AGBL4: variants seen among roughly 807,000 people sequenced by gnomAD.
The protein encoded by AGBL4 is AGBL carboxypeptidase 4.
Under a neutral mutation model 66.4 loss-of-function variants are expected in AGBL4, and 58 were observed. The ratio of observed to expected loss-of-function variants is 0.87; its 90% confidence interval spans 0.71 to 1.09. The LOEUF (loss-of-function observed/expected upper bound fraction) is 1.09, where lower values mean the gene tolerates loss of function less well. Ranked by LOEUF, AGBL4 falls within the 50% of genes least tolerant of loss-of-function variation. The pLI, the probability that AGBL4 is intolerant of heterozygous loss-of-function variation, is 0.00. For synonymous variants in AGBL4, 234 were observed against 222.9 expected (o/e 1.05, Z -0.44); for missense variants, 579 against 631.0 (o/e 0.92, Z 0.88).
At chr1:49,567,800 G>T (rs1644244037) in intron 3 of AGBL4, among the ~76,000 whole-genome samples, 1 of 152,094 alleles carries the variant, frequency 6.6e-6, no homozygotes, top group Non-Finnish European at 1.5e-5. Context: ...TTCAGGCAAG[G>T]TTTGGTTCAA....
intron 7 of AGBL4, among the ~76,000 whole-genome samples, chr1:48,661,837 T>C (rs887121029): frequency 6.6e-6 from 1 of 152,202 alleles, no homozygotes; most frequent in Non-Finnish European, 1.5e-5. Context: ...GGAAGAGATC[T>C]GCTGCCAAGT....
At chr1:49,390,143 C>T (rs1281072277) in intron 3 of AGBL4, among the ~76,000 whole-genome samples, 1 of 152,152 alleles carries the variant, frequency 6.6e-6, no homozygotes, top group Non-Finnish European at 1.5e-5. Flanking sequence ...AGTCACAGAG[C>T]CGTGACTATC....
chr1:50,006,208 G>A (rs767129338), intron 1 of AGBL4, among the ~76,000 whole-genome samples: 2 of 151,916 alleles, frequency 1.3e-5, no homozygotes, highest in South Asian at 2.1e-4. Context: ...GCGTGGTGGC[G>A]GGTGCCTGTA....
At chr1:50,016,486 C>T (rs1049273154) in intron 1 of AGBL4, among the ~76,000 whole-genome samples, 1 of 152,116 alleles carries the variant, frequency 6.6e-6, no homozygotes, top group Admixed American at 6.5e-5. Context: ...CACTTGAACC[C>T]AGGAGGCAGA....
chr1:48,714,003 T>C (rs1164105302), intron 6 of AGBL4, among the ~76,000 whole-genome samples: 6 of 152,166 alleles, frequency 3.9e-5, no homozygotes, highest in Admixed American at 3.9e-4. Flanking sequence ...GTACGACTCA[T>C]GTGTATTTAT....
chr1:48,728,820 C>T (rs1459501765), intron 6 of AGBL4, among the ~76,000 whole-genome samples: 1 of 152,218 alleles, frequency 6.6e-6, no homozygotes, highest in Non-Finnish European at 1.5e-5. Flanking sequence ...ACAGTGTATG[C>T]AAGTAGTACT....
chr1:48,746,034 A>G (rs1377534106), intron 6 of AGBL4, among the ~76,000 whole-genome samples: 1 of 152,200 alleles, frequency 6.6e-6, no homozygotes, highest in Non-Finnish European at 1.5e-5. Context: ...CACCTGGCAC[A>G]GTGCTTGATT....
chr1:49,304,982 G>A (rs922121845), intron 3 of AGBL4, among the ~76,000 whole-genome samples: 3 of 151,996 alleles, frequency 2.0e-5, no homozygotes, highest in South Asian at 2.1e-4. Flanking sequence ...ACTGTTCTAC[G>A]TACTTTATAG....
chr1:48,894,635 G>A (rs748791351), intron 5 of AGBL4, among the ~76,000 whole-genome samples: 3 of 152,056 alleles, frequency 2.0e-5, no homozygotes, highest in Admixed American at 6.6e-5. Flanking sequence ...AAAAAAAAAG[G>A]TTGATTATAC....
chr1:49,159,293 A>G (rs1043862647), intron 4 of AGBL4, among the ~76,000 whole-genome samples: 2 of 152,058 alleles, frequency 1.3e-5, no homozygotes, highest in African/African-American at 4.8e-5. Context: ...GCTTGTCTGT[A>G]AAGGATTTTA....
At chr1:49,099,210 C>CA (rs1241974941) in intron 4 of AGBL4, among the ~76,000 whole-genome samples, 1 of 152,096 alleles carries the variant, frequency 6.6e-6, no homozygotes, top group Non-Finnish European at 1.5e-5. Context: ...CTCATTTCAA[C>CA]AAAAAGCAAA....
At chr1:49,390,971 G>A (rs898606057) in intron 3 of AGBL4, among the ~76,000 whole-genome samples, 5 of 152,186 alleles carry the variant, frequency 3.3e-5, no homozygotes, top group African/African-American at 1.2e-4. Context: ...CGGTGTGAGG[G>A]AAGAGTTCAA....
chr1:49,027,156 T>C lies in AGBL4; in HGVS notation c.594+18428A>G, dbSNP rs929414339. 3.3e-5 allele frequency among the ~76,000 whole-genome samples: 5 copies of C among 152,102 alleles called. No individual in the cohort carries two copies. In the East Asian group the frequency reaches 7.7e-4, roughly 24 times the overall value. On this transcript the variant is annotated intron_variant, in intron 5 of 13. Coordinates refer to ENST00000371839, the MANE Select transcript of AGBL4 (RefSeq NM_032785.4). ...CTTCCCAGCAAAACAACCGTTTAAC[T>C]GCTAATTTTTTTTTCTTTTTTGAGA...
intron 1 of AGBL4, among the ~76,000 whole-genome samples, chr1:49,955,774 A>G (rs528548966): frequency 2.6e-5 from 4 of 152,008 alleles, no homozygotes; most frequent in South Asian, 4.1e-4. Context: ...TCTGCCCCCA[A>G]TGAACTGCCC....
intron 3 of AGBL4, among the ~76,000 whole-genome samples, chr1:49,263,520 A>G (rs1653436255): frequency 6.6e-6 from 1 of 152,164 alleles, no homozygotes; most frequent in Non-Finnish European, 1.5e-5. Context: ...AGGTTTGTAA[A>G]TTAAATATAT....
chr1:49,396,205 C>A (rs754383175), intron 3 of AGBL4, among the ~76,000 whole-genome samples: 63 of 151,986 alleles, frequency 4.1e-4, no homozygotes, highest in Non-Finnish European at 4.3e-4. Flanking sequence ...ATACACAAAG[C>A]ATCTTGGAAT....
intron 3 of AGBL4, among the ~76,000 whole-genome samples, chr1:49,359,417 C>G (rs1425547456): frequency 6.6e-6 from 1 of 152,128 alleles, no homozygotes; most frequent in Non-Finnish European, 1.5e-5. Flanking sequence ...AAGTTACTCA[C>G]ACAATCTCTG....
At chr1:49,287,531 A>G (rs1340428810) in intron 3 of AGBL4, among the ~76,000 whole-genome samples, 1 of 151,536 alleles carries the variant, frequency 6.6e-6, no homozygotes, top group East Asian at 1.9e-4. Flanking sequence ...AAAACAAACA[A>G]CCCCATCAAA....
intron 3 of AGBL4, among the ~76,000 whole-genome samples, chr1:49,519,220 G>T (rs1176064219): frequency 6.6e-6 from 1 of 152,144 alleles, no homozygotes; most frequent in South Asian, 2.1e-4. Flanking sequence ...GTGATCTTGG[G>T]TGAGTCTCTT....
Sources: allele counts gnomAD v4.1 joint callset (sites outside exome capture counted in the v4.1 genomes callset), GRCh38; gene constraint gnomAD v4.1.1; transcripts MANE v1.5; gene names NCBI Gene and HGNC (gene_info 2026-07-23, HGNC 2026-07-21).